Variants in PRRC2B observed in about 807,000 individuals in gnomAD.
PRRC2B encodes protein PRRC2B.
Under a neutral mutation model 242.3 loss-of-function variants are expected in PRRC2B, and 68 were observed. The ratio of observed to expected loss-of-function variants is 0.28; its 90% CI spans 0.23 to 0.34. The LOEUF is 0.34. Among genes scored for constraint, PRRC2B ranks in the 10% least tolerant of loss-of-function variants. PRRC2B has a pLI of 1.00. For synonymous variants in PRRC2B, 1,228 were observed against 1,173.6 expected (o/e 1.05, Z -0.95); for missense variants, 2,835 against 2,954.8 (o/e 0.96, Z 0.94).
At chr9:131,486,252 T>C (rs1944021355) in intron 26 of PRRC2B, 70 bp downstream of exon 26, 1 of 1,063,770 alleles carries the variant, frequency 9.4e-7, no homozygotes, top group South Asian at 1.4e-5. Flanking sequence ...GGAATTGGCT[T>C]GCTCATCTAT....
intron 12 of PRRC2B, among the ~76,000 whole-genome samples, chr9:131,466,120 A>G (rs1943388973): frequency 6.6e-6 from 1 of 152,230 alleles, no homozygotes; most frequent in Non-Finnish European, 1.5e-5. Context: ...TTTTCTTTAT[A>G]ATTTTCTTAA....
chr9:131,399,352 G>T (rs1837160483), intron 1 of PRRC2B, among the ~76,000 whole-genome samples: 1 of 151,614 alleles, frequency 6.6e-6, no homozygotes, highest in South Asian at 2.1e-4. Flanking sequence ...GGCTGAGGTG[G>T]GCGGATCACG....
chr9:131,426,369 A>G (rs933367656), intron 1 of PRRC2B, among the ~76,000 whole-genome samples: 1 of 149,966 alleles, frequency 6.7e-6, no homozygotes, highest in African/African-American at 2.5e-5. Context: ...AAGAAAAAGA[A>G]AAAAAGAAGA....
At position 131,419,672 on chromosome 9, in the gene PRRC2B, C is replaced by T. The variant is rs1043650295; in HGVS notation, c.-51-10422C>T. 3.3e-4 allele frequency among the ~76,000 whole-genome samples: 51 copies of T among 152,314 alleles called. 2 individuals carry two copies. The highest frequency in any genetic ancestry group is 1.2e-3 in the African/African-American group (49 of 41,564). On this transcript the variant is annotated intron_variant, in intron 1 of 31. Transcript: ENST00000683519. ...TCTTTGTTCTCTTGTTTATTCCTTA[C>T]AGCAGACCTGGGAGGTGGGAGATTA...
chr9:131,495,844 G>C lies in PRRC2B; in HGVS notation c.6660G>C (p.Arg2220=). The C allele has an allele frequency of 6.2e-7, 1 of 1,610,536 alleles. No individual in the cohort carries two copies. Among genetic ancestry groups the C allele is most frequent in the Non-Finnish European group, 8.5e-7 (1 of 1,177,252 alleles). The change falls in exon 32 of 32, where the codon CGG becomes CGC. Residue 2220 remains arginine (R), a synonymous_variant. Transcript: ENST00000683519. ...QMKRTGAIKP[R]AVKVEESKA ...AGCGAACCGGAGCGATCAAGCCTCG[G>C]GCTGTCAAAGTGGAGGAGAGTAAGG... is the stretch of plus-strand genomic sequence containing the variant.
chr9:131,378,702 G>GTGTTT (rs967400887), intron 1 of PRRC2B, among the ~76,000 whole-genome samples: 13 of 152,040 alleles, frequency 8.6e-5, no homozygotes, highest in Admixed American at 2.6e-4. Context: ...GGCATTTTGA[G>GTGTTT]TGTTTTGTTT....
At chr9:131,447,426 C>T (rs1006599295) in intron 8 of PRRC2B, among the ~76,000 whole-genome samples, 4 of 152,054 alleles carry the variant, frequency 2.6e-5, no homozygotes, top group South Asian at 2.1e-4. Flanking sequence ...AGTTCTGGCA[C>T]GTGTGTGTTG....
intron 16 of PRRC2B, 137 bp from the exon 17 acceptor site, chr9:131,477,607 G>A (rs1039389491): frequency 3.4e-5 from 21 of 614,266 alleles, no homozygotes; most frequent in Non-Finnish European, 5.2e-5. Context: ...CCAGCCTGCC[G>A]CTCCTCCCCA....
chr9:131,466,145 G>A (rs1208591822), intron 12 of PRRC2B, among the ~76,000 whole-genome samples: 2 of 152,234 alleles, frequency 1.3e-5, no homozygotes, highest in African/African-American at 2.4e-5. Context: ...ACTCAGATCA[G>A]CTCTTGTTAG....
chr9:131,466,991 C>T (rs111780458), intron 12 of PRRC2B, among the ~76,000 whole-genome samples: 19,343 of 151,876 alleles, frequency 0.13, 1,348 homozygotes, highest in African/African-American at 0.15. Flanking sequence ...TTAGTAGAGA[C>T]GGGGTTTCAC....
chr9:131,417,456 C>T (rs539530468), intron 1 of PRRC2B, among the ~76,000 whole-genome samples: 3 of 152,092 alleles, frequency 2.0e-5, no homozygotes, highest in Admixed American at 6.6e-5. Context: ...CCAGTCCCCC[C>T]ACATCTGAGT....
At chr9:131,451,210 T>C (rs1282484815) in intron 9 of PRRC2B, among the ~76,000 whole-genome samples, 1 of 152,114 alleles carries the variant, frequency 6.6e-6, no homozygotes, top group Non-Finnish European at 1.5e-5. Context: ...CCATCCTGGC[T>C]AACATGGTGA....
chr9:131,463,324 A>AG (rs1943296325), intron 11 of PRRC2B, among the ~76,000 whole-genome samples: 2 of 152,202 alleles, frequency 1.3e-5, no homozygotes, highest in Non-Finnish European at 2.9e-5. Flanking sequence ...TATTTCTTTT[A>AG]CTGAAGTATA....
intron 1 of PRRC2B, among the ~76,000 whole-genome samples, chr9:131,375,330 C>T (rs920144123): frequency 9.2e-5 from 14 of 151,766 alleles, no homozygotes; most frequent in African/African-American, 1.7e-4. Flanking sequence ...ATCCGGGAGG[C>T]GGAGGTTGCA....
At chr9:131,394,720 A>G (rs528879095) in intron 1 of PRRC2B, among the ~76,000 whole-genome samples, 20 of 151,230 alleles carry the variant, frequency 1.3e-4, no homozygotes, top group African/African-American at 4.1e-4. Context: ...CCGAGGCGGG[A>G]TCCTGCGGGG....
intron 1 of PRRC2B, among the ~76,000 whole-genome samples, chr9:131,421,667 G>A (rs1837846475): frequency 6.6e-6 from 1 of 152,236 alleles, no homozygotes; most frequent in South Asian, 2.1e-4. Flanking sequence ...TTGGGCCTTT[G>A]TCACTATTGT....
At chr9:131,412,996 T>C (rs185386343) in intron 1 of PRRC2B, among the ~76,000 whole-genome samples, 51 of 152,328 alleles carry the variant, frequency 3.3e-4, no homozygotes, top group South Asian at 6.2e-4. Flanking sequence ...TAATTAGGAA[T>C]AAATAGTAAC....
chr9:131,471,001 A>G lies in PRRC2B; in HGVS notation c.2107+18A>G, dbSNP rs777177060. 43 of 1,583,986 alleles carry G rather than the reference A, an allele frequency of 2.7e-5. No individual in the cohort carries two copies. The highest frequency in any genetic ancestry group is 3.5e-5 in the Admixed American group (2 of 57,130). ...TCCCTCAGGTAAGCACTGTGGTCTGACGGTCCATACCTGTATCACCCAGGA... is the reference window on the plus strand; with the variant it reads ...TCCCTCAGGTAAGCACTGTGGTCTGGCGGTCCATACCTGTATCACCCAGGA... On this transcript the variant is annotated intron_variant, in intron 14 of 31. Coordinates refer to ENST00000683519, the MANE Select transcript of PRRC2B (RefSeq NM_013318.4).
Position 131,485,021 on chromosome 9 carries a change from C to G in PRRC2B, c.5639C>G (p.Ser1880Ter), listed in dbSNP as rs1461033073. Residue 1880 changes from serine to a stop codon, truncating the protein, a stop_gained, in exon 25 of 32, where the codon TCA (serine) becomes TGA (stop). Coordinates refer to ENST00000683519, the MANE Select transcript of PRRC2B (RefSeq NM_013318.4). LOFTEE classifies it high-confidence loss of function. ...PEQSSPGGAGSGIQPPSSVGA... is the reference protein window; with the variant it reads ...PEQSSPGGAG ...CAGAGCTCTCCAGGCGGCGCTGGCT[C>G]AGGCATCCAGCCTCCATCCTCTGTG... 1 of 1,612,762 alleles carries G rather than the reference C, an allele frequency of 6.2e-7. No individual in the cohort carries two copies. Among genetic ancestry groups the G allele is most frequent in the African/African-American group, 1.3e-5 (1 of 74,908 alleles).
Sources: gnomAD v4.1 joint callset for allele counts (sites outside exome capture counted in the v4.1 genomes callset) on GRCh38, gnomAD v4.1.1 for gene constraint, MANE v1.5 for transcripts, NCBI Gene and HGNC (gene_info 2026-07-23, HGNC 2026-07-21) for gene names.